CLEC1B: variants seen among roughly 807,000 people sequenced by gnomAD.
The protein encoded by CLEC1B is C-type lectin domain family 1 member B, also known as C-type lectin-like receptor 2.
Under a neutral mutation model 26.7 loss-of-function variants are expected in CLEC1B, and 26 were observed. That is an observed-to-expected ratio of 0.97 (90% CI 0.71 to 1.35). CLEC1B has a LOEUF of 1.35. Among genes scored for constraint, CLEC1B ranks in the 40% most tolerant of loss-of-function variants. The pLI, the probability that CLEC1B is intolerant of heterozygous loss-of-function variation, is 0.00. For missense variants in CLEC1B, 293 were observed against 282.6 expected, an observed-to-expected ratio of 1.04 and a Z score of -0.26; for synonymous variants, 112 against 96.0, an observed-to-expected ratio of 1.17 and a Z score of -0.97.
intron 3 of CLEC1B, 53 bp downstream of exon 3, chr12:9,997,107 G>A (rs1285048364): frequency 6.2e-7 from 1 of 1,609,986 alleles, no homozygotes; most frequent in Non-Finnish European, 8.5e-7. Flanking sequence ...GTTGCCATCA[G>A]AGAAATGCTC....
At chr12:10,001,332 T>G (rs1345140007), upstream of CLEC1B, among the ~76,000 whole-genome samples, 1 of 152,226 alleles carries the variant, frequency 6.6e-6, no homozygotes, top group Non-Finnish European at 1.5e-5. Context: ...ATGCCTGAAG[T>G]AGGTTAACAC....
rs777285402 is a variant in CLEC1B at position 9,993,292 on chromosome 12, G to T, written c.546-5C>A. ...CCATCTTCCAAAAACTCAAACCTGT[G>T]AAGGGAAAGTTAGAATAAATTCCTT... is the stretch of plus-strand genomic sequence containing the variant. On this transcript the variant is annotated splice_polypyrimidine_tract_variant and splice_region_variant and intron_variant, in intron 5 of 5. Coordinates refer to ENST00000298527, the MANE Select transcript of CLEC1B (RefSeq NM_016509.4). 2.5e-6 allele frequency: 4 copies of T among 1,601,464 alleles called. No individual in the cohort carries two copies. The African/African-American group carries it at 5.4e-5, about 22-fold the overall frequency.
intron 4 of CLEC1B, 87 bp from the exon 5 acceptor site, chr12:9,995,333 CA>C: frequency 9.0e-7 from 1 of 1,113,210 alleles, no homozygotes. Flanking sequence ...AGACGTTGGA[CA>C]AAAAATGTTG....
intron 5 of CLEC1B, among the ~76,000 whole-genome samples, chr12:9,993,833 G>A (rs1864960271): frequency 6.6e-6 from 1 of 152,138 alleles, no homozygotes; most frequent in African/African-American, 2.4e-5. Flanking sequence ...TGCTTATAAT[G>A]AGATGACAAG....
Position 9,994,995 on chromosome 12 carries a change from C to T in CLEC1B, c.545+145G>A, listed in dbSNP as rs1865001721. The T allele has an allele frequency of 2.6e-6, 4 of 1,547,910 alleles. No individual in the cohort carries two copies. In the South Asian group the frequency reaches 4.5e-5, roughly 17 times the overall value. ...AGAGGGGAAAGAATTGTCTTATGACCAGCGCTGTCTTGTTTGAATTAGCAG... is the reference window on the plus strand; with the variant it reads ...AGAGGGGAAAGAATTGTCTTATGACTAGCGCTGTCTTGTTTGAATTAGCAG... On this transcript the variant is annotated intron_variant, in intron 5 of 5. Transcript: ENST00000298527.
intron 4 of CLEC1B, 35 bp from the exon 5 acceptor site, chr12:9,995,281 T>C: frequency 6.5e-7 from 1 of 1,536,876 alleles, no homozygotes; most frequent in Non-Finnish European, 9.0e-7. Flanking sequence ...ATGGTCAGAA[T>C]CCCTCCACAG....
At chr12:9,993,819 A>C (rs1037002586) in intron 5 of CLEC1B, among the ~76,000 whole-genome samples, 1 of 152,148 alleles carries the variant, frequency 6.6e-6, no homozygotes, top group East Asian at 1.9e-4. Flanking sequence ...CTTTCTTTCT[A>C]AACTGCTTAT....
chr12:9,996,010 G>A (rs35890903), intron 4 of CLEC1B, among the ~76,000 whole-genome samples: 10,205 of 152,198 alleles, frequency 0.067, 413 homozygotes, highest in Middle Eastern at 0.088. Flanking sequence ...ACAAAATTAT[G>A]TGAAGGCCAA....
At position 9,993,300 on chromosome 12, in the gene CLEC1B, A is replaced by G; in HGVS notation, c.546-13T>C. 6.3e-7 allele frequency: 1 copy of G among 1,580,044 alleles called. No homozygotes were observed. The highest frequency in any genetic ancestry group is 8.6e-7 in the Non-Finnish European group (1 of 1,157,136). On this transcript the variant is annotated splice_polypyrimidine_tract_variant and intron_variant, in intron 5 of 5. Transcript: ENST00000298527. ...CAAAAACTCAAACCTGTGAAGGGAAAGTTAGAATAAATTCCTTTGAAAACT... is the reference window on the plus strand; with the variant it reads ...CAAAAACTCAAACCTGTGAAGGGAAGGTTAGAATAAATTCCTTTGAAAACT...
intron 4 of CLEC1B, 107 bp downstream of exon 4, chr12:9,996,739 A>G (rs749702409): frequency 2.6e-6 from 3 of 1,147,362 alleles, no homozygotes; most frequent in Non-Finnish European, 3.9e-6. Flanking sequence ...AGATTAGTAC[A>G]AACTGAAAGA....
intron 5 of CLEC1B, among the ~76,000 whole-genome samples, chr12:9,994,108 T>C (rs544605): frequency 0.3 from 45,137 of 151,840 alleles, 7,104 homozygotes; most frequent in South Asian, 0.42. Flanking sequence ...TTAGTTTGGG[T>C]AGAGTTAGGT....
upstream of CLEC1B, among the ~76,000 whole-genome samples, chr12:10,000,897 C>G (rs1865150625): frequency 6.6e-6 from 1 of 151,930 alleles, no homozygotes; most frequent in Non-Finnish European, 1.5e-5. Context: ...GTTTTGTTAC[C>G]TAAAATATAC....
chr12:9,996,321 A>G (rs964428760), intron 4 of CLEC1B, among the ~76,000 whole-genome samples: 1 of 152,202 alleles, frequency 6.6e-6, no homozygotes, highest in Non-Finnish European at 1.5e-5. Context: ...AAGTTGCATG[A>G]CTACTTTTAG....
rs1408277679 is a variant in CLEC1B at position 9,997,295 on chromosome 12, AAAT to A, written c.164-19_164-17del. The A allele has an allele frequency of 3.1e-6, 5 of 1,594,814 alleles. No homozygotes were observed. In the African/African-American group the frequency reaches 6.8e-5, roughly 22 times the overall value. On this transcript the variant is annotated splice_polypyrimidine_tract_variant and intron_variant, in intron 2 of 5. Transcript: ENST00000298527. ...TGCATGACAGCTAGGTTTAAAAAGT[AAAT>A]AATAATAATTTGTAATTAGAACCAT...
chr12:9,994,250 G>A (rs775262696), intron 5 of CLEC1B, among the ~76,000 whole-genome samples: 1 of 152,056 alleles, frequency 6.6e-6, no homozygotes, highest in Non-Finnish European at 1.5e-5. Context: ...AGTTTGATTT[G>A]TTGGAAGAAT....
chr12:9,999,162 C>T, upstream of CLEC1B: 1 of 1,074,962 alleles, frequency 9.3e-7, no homozygotes, highest in Non-Finnish European at 1.4e-6. Context: ...TAGTTTCCAA[C>T]TTTACAATTT....
At chr12:9,994,574 A>C (rs1050156103) in intron 5 of CLEC1B, among the ~76,000 whole-genome samples, 4 of 152,120 alleles carry the variant, frequency 2.6e-5, no homozygotes, top group Non-Finnish European at 5.9e-5. Context: ...ACTCAATGCA[A>C]TCAGTCCCTT....
chr12:9,998,980 T>C (rs932217595), intron 1 of CLEC1B, 57 bp downstream of exon 1: 3 of 1,002,548 alleles, frequency 3.0e-6, no homozygotes, highest in Non-Finnish European at 4.7e-6. Flanking sequence ...AAAGAAAGAA[T>C]TGAATCAACT....
upstream of CLEC1B, among the ~76,000 whole-genome samples, chr12:10,000,963 G>A (rs1016442522): frequency 3.3e-5 from 5 of 152,150 alleles, no homozygotes; most frequent in African/African-American, 1.2e-4. Flanking sequence ...AGAGAGAAAA[G>A]AAAATGTGTG....
Sources: gnomAD v4.1 joint callset for allele counts (sites outside exome capture counted in the v4.1 genomes callset) on GRCh38, gnomAD v4.1.1 for gene constraint, MANE v1.5 for transcripts, NCBI Gene and HGNC (gene_info 2026-07-23, HGNC 2026-07-21) for gene names.